HSP90AA1: variants seen among roughly 807,000 people sequenced by gnomAD.
The protein encoded by HSP90AA1 is heat shock protein 90 alpha family class A member 1, also known as heat shock protein HSP 90-alpha.
A neutral mutation model predicts 73.3 loss-of-function variants in HSP90AA1; 18 were observed. The observed-to-expected ratio is 0.25, with a 90% CI of 0.17 to 0.36. The LOEUF is 0.36. Ranked by LOEUF, HSP90AA1 falls within the 10% of genes least tolerant of loss-of-function variation. HSP90AA1 has a pLI of 1.00. For missense variants in HSP90AA1, 704 were observed against 874.2 expected, an observed-to-expected ratio of 0.81 and a Z score of 2.45; for synonymous variants, 477 against 296.9, an observed-to-expected ratio of 1.61 and a Z score of -6.24.
Position 102,120,811 on chromosome 14 carries a change from G to A in HSP90AA1, c.155+18439C>T, listed in dbSNP as rs147807529. On this transcript the variant is annotated intron_variant, in intron 1 of 11. Coordinates refer to the HSP90AA1 transcript ENST00000334701. ...TACAAAAATTAGCGTGGCGGTGGGC[G>A]CCTATAATCCCAGCTACTCAGGAGG... 4.5e-4 allele frequency among the ~76,000 whole-genome samples: 68 copies of A among 151,616 alleles called. 1 individual carries two copies. In the East Asian group the frequency reaches 0.012, roughly 26 times the overall value.
chr14:102,103,623 G>T (rs934445013), intron 1 of HSP90AA1, among the ~76,000 whole-genome samples: 1 of 151,968 alleles, frequency 6.6e-6, no homozygotes, highest in Non-Finnish European at 1.5e-5. Flanking sequence ...GGCCAACATG[G>T]TGAAACCCTG....
At chr14:102,086,448 T>C (rs1381306912) in intron 1 of HSP90AA1, 70 bp from the exon 2 acceptor site, 8 of 1,528,566 alleles carry the variant, frequency 5.2e-6, no homozygotes, top group Non-Finnish European at 7.3e-6. Context: ...TTCCATCGCG[T>C]TCTCCAAATA....
At chr14:102,117,270 C>T (rs946817029) in intron 1 of HSP90AA1, among the ~76,000 whole-genome samples, 3 of 152,152 alleles carry the variant, frequency 2.0e-5, no homozygotes, top group Non-Finnish European at 4.4e-5. Flanking sequence ...CAGTGAAGCA[C>T]CACCTTCAGG....
At chr14:102,086,531 C>A (rs1280372516) in intron 1 of HSP90AA1, among the ~76,000 whole-genome samples, 153 bp from the exon 2 acceptor site, 1 of 152,192 alleles carries the variant, frequency 6.6e-6, no homozygotes, top group Non-Finnish European at 1.5e-5. Flanking sequence ...CAAAGGATGA[C>A]CTCATTTCGG....
chr14:102,129,990 A>G (rs2049888797), intron 1 of HSP90AA1, among the ~76,000 whole-genome samples: 1 of 151,066 alleles, frequency 6.6e-6, no homozygotes, highest in Non-Finnish European at 1.5e-5. Flanking sequence ...TTTTGTTTTG[A>G]GATGGAGTCT....
chr14:102,084,257 G>A lies in HSP90AA1; in HGVS notation c.1147+142C>T, dbSNP rs981336280. The A allele has an allele frequency of 3.6e-5, 28 of 774,352 alleles. No homozygotes were observed. The Admixed American group carries it at 5.5e-4, about 15-fold the overall frequency. 48.0% of individuals were successfully genotyped at this position (774,352 alleles called of 1,614,324 possible). A position where few individuals can be genotyped will look rare whatever the true frequency, so the allele number is the denominator to read the frequency against. ...GATGGGGTTTCACCATGTTGCCCAG[G>A]CTGGTCTTGAACTCCTGACCTCAAG... On this transcript the variant is annotated intron_variant, in intron 6 of 10. Coordinates refer to ENST00000216281, the MANE Select transcript of HSP90AA1 (RefSeq NM_005348.4).
intron 2 of HSP90AA1, among the ~76,000 whole-genome samples, chr14:102,097,788 G>C (rs534159226): frequency 3.3e-5 from 5 of 152,338 alleles, no homozygotes; most frequent in African/African-American, 9.6e-5. Context: ...CAATTGACCA[G>C]GTAGTGGGTA....
intron 9 of HSP90AA1, 80 bp from the exon 10 acceptor site, chr14:102,082,524 C>A: frequency 9.0e-7 from 1 of 1,109,946 alleles, no homozygotes. Flanking sequence ...CTGTAGAACC[C>A]AAATTTCAAT....
upstream of HSP90AA1, among the ~76,000 whole-genome samples, chr14:102,089,783 A>C (rs1286362033): frequency 6.6e-6 from 1 of 152,058 alleles, no homozygotes; most frequent in Non-Finnish European, 1.5e-5. Context: ...CCCACAACGG[A>C]TCTGGCACTG....
At position 102,082,228 on chromosome 14, in the gene HSP90AA1, A is replaced by T. The variant is rs2152609775; in HGVS notation, c.1972T>A (p.Ser658Thr). ...AGCAAGATGACCAGATCCTTCACAG[A>T]CTTGTCGTTCTTATCAGCCTCTGCC... ...QKAEADKNDKSVKDLVILLYE... is the reference protein window; with the variant it reads ...QKAEADKNDKTVKDLVILLYE... The change falls in exon 10 of 11, where the codon TCT becomes ACT. Residue 658 changes from serine to threonine, a missense_variant. By Grantham distance (58) the Ser-to-Thr change is moderately conservative (BLOSUM62 1). Transcript: ENST00000216281. The T allele has an allele frequency of 1.2e-6, 2 of 1,613,854 alleles. No individual in the cohort carries two copies. The highest frequency in any genetic ancestry group is 1.7e-6 in the Non-Finnish European group (2 of 1,179,756).
At chr14:102,090,577 G>T (rs2049342872), upstream of HSP90AA1, among the ~76,000 whole-genome samples, 1 of 151,876 alleles carries the variant, frequency 6.6e-6, no homozygotes, top group South Asian at 2.1e-4. Context: ...AGCCTCCCTA[G>T]TAGCTGGGAC....
intron 1 of HSP90AA1, among the ~76,000 whole-genome samples, chr14:102,127,596 A>G (rs1173332153): frequency 6.6e-6 from 1 of 152,166 alleles, no homozygotes. Flanking sequence ...TGACTCTTTC[A>G]AGGCTGGGAC....
rs930954268 is a variant in HSP90AA1, at chr14:102,081,380, T to C, written c.*332A>G. 7 of 443,178 alleles carry C rather than the reference T, an allele frequency of 1.6e-5. No homozygotes were observed. The highest frequency in any genetic ancestry group is 2.5e-5 in the South Asian group (1 of 40,086). The allele number at this position is 443,178 out of a possible 1,614,324, so 27.5% of individuals were successfully genotyped here. ...CAAGATACAGCTCAGAACACTTCAA[T>C]AACAAGATTTGGTCTACTTAGGCAT... On this transcript the variant is annotated 3_prime_UTR_variant, in exon 11 of 11. Coordinates refer to ENST00000216281, the MANE Select transcript of HSP90AA1 (RefSeq NM_005348.4).
chr14:102,108,712 T>G (rs2049602802), intron 1 of HSP90AA1, among the ~76,000 whole-genome samples: 1 of 151,832 alleles, frequency 6.6e-6, no homozygotes, highest in Non-Finnish European at 1.5e-5. Context: ...ATTTTTTGTA[T>G]TTTTAGTAGA....
chr14:102,134,932 C>T (rs542953053), intron 1 of HSP90AA1, among the ~76,000 whole-genome samples: 6 of 152,272 alleles, frequency 3.9e-5, no homozygotes, highest in African/African-American at 1.4e-4. Flanking sequence ...TTTGTCAGGC[C>T]GCTGATTGGT....
chr14:102,095,921 C>G (rs940575251), intron 2 of HSP90AA1, among the ~76,000 whole-genome samples: 4 of 152,194 alleles, frequency 2.6e-5, no homozygotes, highest in Non-Finnish European at 4.4e-5. Flanking sequence ...AACCCCTGGG[C>G]TCCCAGGACA....
intron 1 of HSP90AA1, among the ~76,000 whole-genome samples, chr14:102,106,537 A>AT (rs10562409): frequency 1.4e-3 from 110 of 79,822 alleles, no homozygotes; most frequent in Non-Finnish European, 1.8e-3. Flanking sequence ...TGTTGAGCTA[A>AT]TTTTTTTTTT....
At position 102,086,918 on chromosome 14, in the gene HSP90AA1, C is replaced by T. The variant is rs117339956; in HGVS notation, c.-1+68G>A. ...TCTGGTCCGGCCCCCACAGCCTCCG[C>T]CCCGCGCCAGCCGCCCCCAGTCCCG... On this transcript the variant is annotated intron_variant, in intron 1 of 10. Transcript: ENST00000216281. The T allele has an allele frequency of 2.0e-3, 1,821 of 903,856 alleles. 81 individuals carry two copies. The East Asian group carries it at 0.14, about 67-fold the overall frequency. The allele number at this position is 903,856 out of a possible 1,614,324, so 56.0% of individuals were successfully genotyped here.
intron 1 of HSP90AA1, among the ~76,000 whole-genome samples, chr14:102,123,998 C>T (rs1044950327): frequency 2.6e-5 from 4 of 151,868 alleles, no homozygotes; most frequent in Non-Finnish European, 5.9e-5. Context: ...ATGGCGCCTC[C>T]CTCTGTTGCC....
Sources: gnomAD v4.1 joint callset for allele counts (sites outside exome capture counted in the v4.1 genomes callset) on GRCh38, gnomAD v4.1.1 for gene constraint, MANE v1.5 for transcripts, NCBI Gene and HGNC (gene_info 2026-07-23, HGNC 2026-07-21) for gene names.